Variants in KIF3C observed in about 807,000 individuals in gnomAD.
KIF3C encodes the protein kinesin-like protein KIF3C.
Under a neutral mutation model 67.7 loss-of-function variants are expected in KIF3C, and 12 were observed. The ratio of observed to expected loss-of-function variants is 0.18; its 90% CI spans 0.11 to 0.29. The LOEUF (loss-of-function observed/expected upper bound fraction) is 0.29. KIF3C is among the 10% of genes least tolerant of loss of function. The pLI, the probability that KIF3C is intolerant of heterozygous loss-of-function variation, is 1.00. For synonymous variants in KIF3C, 393 were observed against 426.2 expected, an observed-to-expected ratio of 0.92 and a Z score of 0.96; for missense variants, 789 against 1,059.6, an observed-to-expected ratio of 0.74 and a Z score of 3.55.
At chr2:25,940,722 C>T (rs566244263) in intron 5 of KIF3C, among the ~76,000 whole-genome samples, 1 of 127,974 alleles carries the variant, frequency 7.8e-6, no homozygotes, top group South Asian at 2.8e-4. Context: ...GCGATCTCAG[C>T]TCACTGCAAC....
At chr2:25,971,308 C>T (rs1261661257) in intron 1 of KIF3C, among the ~76,000 whole-genome samples, 4 of 149,512 alleles carry the variant, frequency 2.7e-5, no homozygotes, top group African/African-American at 4.9e-5. Context: ...GACGTGGTGG[C>T]GCGCACCTGT....
At chr2:25,939,251 A>G (rs1663223440) in intron 5 of KIF3C, among the ~76,000 whole-genome samples, 1 of 152,122 alleles carries the variant, frequency 6.6e-6, no homozygotes, top group South Asian at 2.1e-4. Context: ...TACAGGTGTG[A>G]GCCACCGCGG....
chr2:25,930,051 C>G lies in KIF3C; in HGVS notation c.2019G>C (p.Gln673His). 1.2e-6 allele frequency: 2 copies of G among 1,613,650 alleles called. No homozygotes were observed. Among genetic ancestry groups the G allele is most frequent in the Non-Finnish European group, 1.7e-6 (2 of 1,179,526 alleles). Reference sequence around the variant, plus strand: ...CTGCAGATGTTGGCCGCTTCTTCATCTGGCTGCTACTGCTGTAGGAAAGAG... The same window carrying G: ...CTGCAGATGTTGGCCGCTTCTTCATGTGGCTGCTACTGCTGTAGGAAAGAG... ...PLVPAGVSSS[Q>H]MKKRPTSAVG... Residue 673 changes from glutamine (Q) to histidine (H), a missense_variant, in exon 6 of 8, where the codon CAG becomes CAC. Gln to His is a conservative substitution (Grantham distance 24). Around this residue, in one of 2 missense-constraint regions of KIF3C, gnomAD observed 648 missense variants for 807.8 expected, o/e 0.80. Transcript: ENST00000264712.
intron 1 of KIF3C, among the ~76,000 whole-genome samples, chr2:25,970,891 C>T (rs1171943859): frequency 2.0e-5 from 3 of 146,638 alleles, no homozygotes; most frequent in African/African-American, 7.6e-5. Flanking sequence ...TTTGGGAGTC[C>T]GAGGCGGGTG....
intron 1 of KIF3C, among the ~76,000 whole-genome samples, chr2:25,962,829 TATATAAA>T (rs1402734340): frequency 3.8e-5 from 3 of 79,222 alleles, no homozygotes; most frequent in Non-Finnish European, 2.2e-5. Flanking sequence ...ATATATAAAA[TATATAAA>T]ATATATAATA....
chr2:25,967,494 C>T (rs1475081724), intron 1 of KIF3C, among the ~76,000 whole-genome samples: 3 of 152,146 alleles, frequency 2.0e-5, no homozygotes, highest in Non-Finnish European at 2.9e-5. Context: ...TACCTGCTAC[C>T]TTTCAGGCCT....
At position 25,954,390 on chromosome 2, in the gene KIF3C, G is replaced by A; in HGVS notation, c.1771-5C>T. ...CGCCTGCAGCTTGGCGTAGAGCTGG[G>A]TGGGGACAGGTGCCACTCAGAGGCT... On this transcript the variant is annotated splice_polypyrimidine_tract_variant and splice_region_variant and intron_variant, in intron 3 of 7. Coordinates refer to ENST00000264712, the MANE Select transcript of KIF3C (RefSeq NM_002254.8). 6.2e-7 allele frequency: 1 copy of A among 1,609,310 alleles called. No homozygotes were observed. Among genetic ancestry groups the A allele is most frequent in the Non-Finnish European group, 8.5e-7 (1 of 1,176,592 alleles).
intron 1 of KIF3C, among the ~76,000 whole-genome samples, chr2:25,977,975 C>A (rs1664459316): frequency 6.6e-6 from 1 of 152,154 alleles, no homozygotes; most frequent in Non-Finnish European, 1.5e-5. Flanking sequence ...AGGCACTCCT[C>A]CCCCTTTGCT....
chr2:25,937,608 T>C (rs1315871494), intron 5 of KIF3C, among the ~76,000 whole-genome samples: 1 of 152,130 alleles, frequency 6.6e-6, no homozygotes, highest in Admixed American at 6.5e-5. Context: ...TACAACGTGC[T>C]TCTACACAGT....
At chr2:25,952,062 C>T (rs1369598534) in intron 4 of KIF3C, 157 bp from the exon 5 acceptor site, 5 of 582,442 alleles carry the variant, frequency 8.6e-6, no homozygotes, top group East Asian at 6.2e-5. Flanking sequence ...GAGACCAAGG[C>T]GGGCGGATCA....
Position 25,980,886 on chromosome 2 carries a change from T to C in KIF3C, c.1032A>G (p.Pro344=). 6.2e-7 allele frequency: 1 copy of C among 1,614,232 alleles called. No homozygotes were observed. The highest frequency in any genetic ancestry group is 1.3e-5 in the African/African-American group (1 of 75,062). ...GGCTCTCATCGTAGCTGTGAGAAGCTGGCCCCAGTGTGGCTACCATGATGG... is the reference window on the plus strand; with the variant it reads ...GGCTCTCATCGTAGCTGTGAGAAGCCGGCCCCAGTGTGGCTACCATGATGG... ...AKTIMVATLG[P]ASHSYDESLS... The change falls in exon 1 of 8, where the codon CCA becomes CCG. Residue 344 remains proline, a synonymous_variant. Transcript: ENST00000264712. The surrounding 1 kb of genome is among the most constrained non-coding windows in gnomAD (Gnocchi z 7.6).
chr2:25,958,979 C>G lies in KIF3C; in HGVS notation c.1546-2535G>C, dbSNP rs1385115076. On this transcript the variant is annotated intron_variant, in intron 1 of 7. Coordinates refer to ENST00000264712, the MANE Select transcript of KIF3C (RefSeq NM_002254.8). The surrounding 1 kb of genome is among the most constrained non-coding windows in gnomAD (Gnocchi z 4.5). ...ATCCCAGCTACTCAGGAGGCTGAGG[C>G]AGGAGAATCGCTTGAACACGGGAGG... 6.6e-6 allele frequency among the ~76,000 whole-genome samples: 1 copy of G among 152,152 alleles called. No homozygotes were observed.
Position 25,980,577 on chromosome 2 carries a change from G to A in KIF3C, c.1341C>T (p.Pro447=), listed in dbSNP as rs1199327944. Residue 447 remains proline, a synonymous_variant, in exon 1 of 8, where the codon CCC becomes CCT. Coordinates refer to ENST00000264712, the MANE Select transcript of KIF3C (RefSeq NM_002254.8). The surrounding 1 kb of genome is among the most constrained non-coding windows in gnomAD (Gnocchi z 7.6). The part of the protein sequence containing the change: ...DNNNNHRPPQ[P]ILESALEKNM... ...TCTTCTCCAAGGCTGACTCCAGGATGGGCTGGGGCGGGCGGTGGTTGTTGT... is the reference window on the plus strand; with the variant it reads ...TCTTCTCCAAGGCTGACTCCAGGATAGGCTGGGGCGGGCGGTGGTTGTTGT... 1 of 1,613,998 alleles carries A rather than the reference G, an allele frequency of 6.2e-7. No homozygotes were observed. Among genetic ancestry groups the A allele is most frequent in the Non-Finnish European group, 8.5e-7 (1 of 1,180,032 alleles).
In KIF3C at chr2:25,929,974, C is replaced by A; in HGVS notation, c.2096G>T (p.Gly699Val). Residue 699 changes from glycine (G) to valine (V), a missense_variant, in exon 6 of 8, where the codon GGG becomes GTG. Coordinates refer to ENST00000264712, the MANE Select transcript of KIF3C (RefSeq NM_002254.8). ...SQYARVAMAM[G>V]SHPRYRAENI... ...TCTTACCCTGTACCTGGGGTGGGAC[C>A]CCATTGCCATGGCAACCCGAGCATA... The A allele has an allele frequency of 6.2e-7, 1 of 1,613,434 alleles. No homozygotes were observed. The highest frequency in any genetic ancestry group is 8.5e-7 in the Non-Finnish European group (1 of 1,179,370).
intron 1 of KIF3C, among the ~76,000 whole-genome samples, chr2:25,961,415 G>C (rs758988943): frequency 6.6e-6 from 1 of 152,234 alleles, no homozygotes; most frequent in African/African-American, 2.4e-5. Context: ...ATCCTCCTAG[G>C]TGGTAAAGTA....
At chr2:25,963,174 G>GTGTGTATATATATATA (rs1207447041) in intron 1 of KIF3C, among the ~76,000 whole-genome samples, 1 of 34,306 alleles carries the variant, frequency 2.9e-5, no homozygotes, top group African/African-American at 1.7e-4. Flanking sequence ...ATGTGTGTGT[G>GTGTGTATATATATATA]TATATATATA....
chr2:25,948,488 G>A (rs543434745), intron 5 of KIF3C, among the ~76,000 whole-genome samples: 1 of 151,928 alleles, frequency 6.6e-6, no homozygotes, highest in South Asian at 2.1e-4. Context: ...GGAGCCCGAA[G>A]CTGCAGTGAG....
chr2:25,952,245 A>G (rs768649478), intron 4 of KIF3C, among the ~76,000 whole-genome samples: 1 of 152,064 alleles, frequency 6.6e-6, no homozygotes, highest in Non-Finnish European at 1.5e-5. Flanking sequence ...AGCTTGCAGT[A>G]AGCTTAGATC....
At chr2:25,952,256 A>G (rs1478486968) in intron 4 of KIF3C, among the ~76,000 whole-genome samples, 1 of 152,066 alleles carries the variant, frequency 6.6e-6, no homozygotes, top group East Asian at 1.9e-4. Flanking sequence ...AGCTTAGATC[A>G]CACCACTGCA....
Sources: gnomAD v4.1 joint callset for allele counts (sites outside exome capture counted in the v4.1 genomes callset) on GRCh38, gnomAD v4.1.1 for gene constraint, gnomAD v4.1.1 regional missense constraint, Gnocchi (gnomAD v3.1) non-coding constraint, MANE v1.5 for transcripts, NCBI Gene and HGNC (gene_info 2026-07-23, HGNC 2026-07-21) for gene names.